Variants in UBAC1 observed in about 807,000 individuals in gnomAD.
UBAC1 encodes ubiquitin-associated domain-containing protein 1.
UBAC1 carries 27 observed loss-of-function variants against 45.9 expected under a neutral mutation model. That is an observed-to-expected ratio of 0.59 (90% CI 0.43 to 0.81). The LOEUF is 0.81. Among genes scored for constraint, UBAC1 ranks in the 30% least tolerant of loss-of-function variants. The pLI is 0.00. For missense variants in UBAC1, 529 were observed against 539.2 expected (o/e 0.98, Z 0.19); for synonymous variants, 227 against 215.5 (o/e 1.05, Z -0.47).
chr9:135,954,138 T>TAAAAAA (rs1461891584), intron 2 of UBAC1, among the ~76,000 whole-genome samples: 2 of 103,618 alleles, frequency 1.9e-5, no homozygotes, highest in Admixed American at 1.1e-4. Context: ...GACTTCATCT[T>TAAAAAA]AAAAAAAAAA....
At chr9:135,943,566 G>A (rs1199930084) in intron 7 of UBAC1, among the ~76,000 whole-genome samples, 2 of 152,148 alleles carry the variant, frequency 1.3e-5, no homozygotes, top group African/African-American at 4.8e-5. Context: ...CAAAGACCTA[G>A]AAACAGAAAT....
At chr9:135,939,838 G>A (rs531987551) in intron 7 of UBAC1, 79 bp from the exon 8 acceptor site, 21 of 1,261,346 alleles carry the variant, frequency 1.7e-5, no homozygotes, top group Admixed American at 1.1e-4. Context: ...AGAGGGGCCC[G>A]CTCCCCGCAC....
chr9:135,945,935 T>A lies in UBAC1; in HGVS notation c.607A>T (p.Met203Leu). 3.1e-6 allele frequency: 5 copies of A among 1,614,056 alleles called. No individual in the cohort carries two copies. The highest frequency in any genetic ancestry group is 4.2e-6 in the Non-Finnish European group (5 of 1,180,040). ...GTGGCTCTGTTCTCCGGAAAGCCCA[T>A]CTCCGTGAGCTGCCGCAGGGCAGCC... ...DEAALRQLTE[M>L]GFPENRATKA... The change falls in exon 6 of 10, where the codon ATG becomes TTG. Residue 203 changes from methionine to leucine, a missense_variant. Coordinates refer to ENST00000371756, the MANE Select transcript of UBAC1 (RefSeq NM_016172.3).
At chr9:135,953,799 T>C (rs768587091) in intron 2 of UBAC1, 46 bp from the exon 3 acceptor site, 4 of 1,569,796 alleles carry the variant, frequency 2.5e-6, no homozygotes, top group Admixed American at 1.7e-5. Flanking sequence ...TATCACTTCA[T>C]ATCCACAAAA....
chr9:135,961,339 G>T lies in UBAC1; in HGVS notation c.-177C>A, dbSNP rs757126651. The stretch of plus-strand genomic sequence containing the variant: ...TCTCCGCGGCCTCAGCGGTCGCCTC[G>T]CTCCCGCCGCCGCAGCAGCCGCCGG... On this transcript the variant is annotated 5_prime_UTR_variant, in exon 1 of 10. Coordinates refer to ENST00000371756, the MANE Select transcript of UBAC1 (RefSeq NM_016172.3). 1.3e-5 allele frequency: 4 copies of T among 316,270 alleles called. No individual in the cohort carries two copies. Among genetic ancestry groups the T allele is most frequent in the Non-Finnish European group, 1.8e-5 (4 of 219,484 alleles). 19.6% of individuals were successfully genotyped at this position (316,270 alleles called of 1,614,324 possible). A position where few individuals can be genotyped will look rare whatever the true frequency, so the allele number is the denominator to read the frequency against.
chr9:135,951,767 G>A (rs576056616), intron 3 of UBAC1, among the ~76,000 whole-genome samples: 3 of 152,218 alleles, frequency 2.0e-5, no homozygotes, highest in South Asian at 4.2e-4. Context: ...CTGAGATCAC[G>A]CCACTGCACT....
At position 135,946,376 on chromosome 9, in the gene UBAC1, G is replaced by C; in HGVS notation, c.442-5C>G. ...CTTCCGGAGTTCTGTCTGGAACTGT[G>C]GTGAAAAAAAAGGAGATCAATTCTC... On this transcript the variant is annotated splice_polypyrimidine_tract_variant and splice_region_variant and intron_variant, in intron 4 of 9. Transcript: ENST00000371756. 6.3e-7 allele frequency: 1 copy of C among 1,598,600 alleles called. No homozygotes were observed. The highest frequency in any genetic ancestry group is 8.6e-7 in the Non-Finnish European group (1 of 1,166,588).
chr9:135,933,909 T>C (rs1189657726), intron 9 of UBAC1, among the ~76,000 whole-genome samples: 1 of 151,202 alleles, frequency 6.6e-6, no homozygotes, highest in African/African-American at 2.4e-5. Flanking sequence ...TGTTGCAAAG[T>C]TAACAACAAA....
At position 135,947,826 on chromosome 9, in the gene UBAC1, C is replaced by T. The variant is rs548207512; in HGVS notation, c.413G>A (p.Arg138Gln). ...TCTCATGTTGGTCTGGACCGCGGCC[C>T]GGTCCATGTTGTAGGAGGGCAGGTT... The part of the protein sequence containing the change: ...TANLPSYNMD[R>Q]AAVQTNMRDF... The change falls in exon 4 of 10, where the codon CGG (arginine) becomes CAG (glutamine). Residue 138 changes from arginine (R) to glutamine (Q), a missense_variant. By Grantham distance (43) the Arg-to-Gln change is conservative. Transcript: ENST00000371756. 7.4e-6 allele frequency: 12 copies of T among 1,614,048 alleles called. No homozygotes were observed. Among genetic ancestry groups the T allele is most frequent in the Middle Eastern group, 1.6e-4 (1 of 6,062 alleles).
Position 135,946,374 on chromosome 9 carries a change from G to A in UBAC1, c.442-3C>T. The A allele has an allele frequency of 1.3e-6, 2 of 1,599,386 alleles. No homozygotes were observed. Among genetic ancestry groups the A allele is most frequent in the Non-Finnish European group, 1.7e-6 (2 of 1,166,822 alleles). On this transcript the variant is annotated splice_polypyrimidine_tract_variant and splice_region_variant and intron_variant, in intron 4 of 9. Transcript: ENST00000371756. ...ATCTTCCGGAGTTCTGTCTGGAACT[G>A]TGGTGAAAAAAAAGGAGATCAATTC...
chr9:135,945,151 C>T lies in UBAC1; in HGVS notation c.753G>A (p.Gly251=). ...LPGQAPPEAE[G]ATAAASEAAA... The stretch of plus-strand genomic sequence containing the variant: ...CAGCCTCGGAGGCAGCTGCTGTGGC[C>T]CCCTCGGCCTCTGGGGGAGCTTGGC... The change falls in exon 7 of 10, where the codon GGG becomes GGA. Residue 251 remains glycine, a synonymous_variant. Coordinates refer to ENST00000371756, the MANE Select transcript of UBAC1 (RefSeq NM_016172.3). 1 of 1,613,880 alleles carries T rather than the reference C, an allele frequency of 6.2e-7. No individual in the cohort carries two copies. The highest frequency in any genetic ancestry group is 8.5e-7 in the Non-Finnish European group (1 of 1,179,956).
chr9:135,938,390 T>C (rs1422679281), intron 8 of UBAC1, 30 bp from the exon 9 acceptor site: 1 of 1,606,702 alleles, frequency 6.2e-7, no homozygotes, highest in Non-Finnish European at 8.5e-7. Flanking sequence ...AATACCACTG[T>C]TAGCGCCTTC....
chr9:135,939,446 A>G (rs1312471587), intron 8 of UBAC1, among the ~76,000 whole-genome samples: 1 of 151,328 alleles, frequency 6.6e-6, no homozygotes, highest in Non-Finnish European at 1.5e-5. Context: ...AGCCTGACAC[A>G]CTCACTCACC....
intron 3 of UBAC1, among the ~76,000 whole-genome samples, chr9:135,949,426 G>A (rs1486024514): frequency 6.6e-6 from 1 of 152,182 alleles, no homozygotes; most frequent in African/African-American, 2.4e-5. Context: ...GCCGGACATA[G>A]CAAAGAGAAA....
At chr9:135,952,997 T>A (rs1256698116) in intron 3 of UBAC1, among the ~76,000 whole-genome samples, 4 of 152,214 alleles carry the variant, frequency 2.6e-5, no homozygotes, top group Non-Finnish European at 5.9e-5. Context: ...CCCACTTTCC[T>A]CCGTTTTTCT....
rs576170454 is a variant in UBAC1 at position 135,938,300 on chromosome 9, G to A, written c.1024C>T (p.Pro342Ser). Residue 342 changes from proline (P) to serine (S), a missense_variant, in exon 9 of 10, where the codon CCC becomes TCC. Pro to Ser is a moderately conservative substitution (Grantham distance 74). Transcript: ENST00000371756. The stretch of plus-strand genomic sequence containing the variant: ...ATGGCCTGAAAGAGAGGACTGTCGG[G>A]GTCGATGCCCTTGTCCAGCTCCTCC... ...SPEELDKGIDPDSPLFQAILD... is the reference protein window; with the variant it reads ...SPEELDKGIDSDSPLFQAILD... The A allele has an allele frequency of 1.2e-6, 2 of 1,614,150 alleles. No individual in the cohort carries two copies. Among genetic ancestry groups the A allele is most frequent in the Admixed American group, 1.7e-5 (1 of 60,010 alleles).
At position 135,942,650 on chromosome 9, in the gene UBAC1, C is replaced by CAA. The variant is rs35653463; in HGVS notation, c.876+2376_876+2377dup. 2.2e-3 allele frequency among the ~76,000 whole-genome samples: 206 copies of CAA among 95,798 alleles called. 2 individuals are homozygous for CAA. The highest frequency in any genetic ancestry group is 6.8e-3 in the South Asian group (19 of 2,806). The allele number at this position is 95,798 out of a possible 152,430, so 62.8% of individuals were successfully genotyped here. A position where few individuals can be genotyped will look rare whatever the true frequency, so the allele number is the denominator to read the frequency against. ...CCTGGGTGACAGAGTGAAACTGTCT[C>CAA]AAAAAAAAAAAAAAAAAGAGAAACT... is the stretch of plus-strand genomic sequence containing the variant. On this transcript the variant is annotated intron_variant, in intron 7 of 9. Transcript: ENST00000371756.
In UBAC1 at chr9:135,955,400, A is replaced by G. The variant is rs1244440936; in HGVS notation, c.154T>C (p.Leu52=). 7 of 1,568,450 alleles carry G rather than the reference A, an allele frequency of 4.5e-6. No homozygotes were observed. Among genetic ancestry groups the G allele is most frequent in the African/African-American group, 4.1e-5 (3 of 72,342 alleles). Residue 52 remains leucine (L), a synonymous_variant, in exon 2 of 10, where the codon TTA becomes CTA. Transcript: ENST00000371756. ...TGGGTTATACTTTTGGGATCTTCTA[A>G]GCTCCCATGAGCACACTGGGGAAAA... ...RCLKHCAHGS[L]EDPKSITHHK... is the part of the protein sequence containing the mutation.
intron 7 of UBAC1, among the ~76,000 whole-genome samples, chr9:135,944,456 A>G (rs143735714): frequency 1.3e-5 from 2 of 152,216 alleles, no homozygotes; most frequent in African/African-American, 4.8e-5. Flanking sequence ...AGAAACCTCC[A>G]AGGAGGAAGT....
Sources: gnomAD v4.1 joint callset for allele counts (sites outside exome capture counted in the v4.1 genomes callset) on GRCh38, gnomAD v4.1.1 for gene constraint, MANE v1.5 for transcripts, NCBI Gene and HGNC (gene_info 2026-07-23, HGNC 2026-07-21) for gene names.